The following YPEL1 variants were observed in gnomAD, a reference collection of about 807,000 sequenced individuals.
YPEL1 encodes the protein yippee like 1, also known as protein yippee-like 1.
Under a neutral mutation model 17.3 loss-of-function variants are expected in YPEL1, and 7 were observed. The ratio of observed to expected loss-of-function variants is 0.40; its 90% CI spans 0.23 to 0.76. The LOEUF (loss-of-function observed/expected upper bound fraction) is 0.76. YPEL1 is among the 30% of genes least tolerant of loss of function. The pLI, the probability that YPEL1 is intolerant of heterozygous loss-of-function variation, is 0.35. For missense variants in YPEL1, 91 were observed against 155.5 expected (o/e 0.59, Z 2.21); for synonymous variants, 59 against 59.6 (o/e 0.99, Z 0.05).
At chr22:21,733,031 G>A (rs1023130966) in intron 1 of YPEL1, among the ~76,000 whole-genome samples, 4 of 152,168 alleles carry the variant, frequency 2.6e-5, no homozygotes, top group African/African-American at 9.7e-5. Context: ...CTGTAGGATT[G>A]CTTGAGCCCA....
chr22:21,727,912 G>A (rs866015363), intron 1 of YPEL1, among the ~76,000 whole-genome samples: 1 of 152,172 alleles, frequency 6.6e-6, no homozygotes, highest in African/African-American at 2.4e-5. Flanking sequence ...AGGGTGTCCC[G>A]AGATGGAAAG....
intron 1 of YPEL1, among the ~76,000 whole-genome samples, chr22:21,711,287 T>A (rs1351137893): frequency 6.6e-6 from 1 of 152,242 alleles, no homozygotes; most frequent in Admixed American, 6.5e-5. Context: ...ATGCCACTGC[T>A]TAACCACTTT....
At chr22:21,730,610 G>A (rs1315840012) in intron 1 of YPEL1, among the ~76,000 whole-genome samples, 1 of 152,210 alleles carries the variant, frequency 6.6e-6, no homozygotes, top group Non-Finnish European at 1.5e-5. Flanking sequence ...GCAACAGCAT[G>A]GGTACAATTT....
At position 21,730,019 on chromosome 22, in the gene YPEL1, GT is replaced by G. The variant is rs998375577; in HGVS notation, c.-165+5595del. 5.7e-4 allele frequency among the ~76,000 whole-genome samples: 86 copies of G among 151,868 alleles called. 1 individual carries two copies. The highest frequency in any genetic ancestry group is 5.6e-3 in the Admixed American group (85 of 15,242). On this transcript the variant is annotated intron_variant, in intron 1 of 4. Transcript: ENST00000339468. ...ATACAAAAATTAGCTCGGTGTGGTGGTGGGCACCTTTAGTCTCAGCTACTAG... is the reference window on the plus strand; with the variant it reads ...ATACAAAAATTAGCTCGGTGTGGTGGGGGCACCTTTAGTCTCAGCTACTAG...
At chr22:21,709,580 AGCC>A (rs1295450972) in intron 2 of YPEL1, among the ~76,000 whole-genome samples, 1 of 152,226 alleles carries the variant, frequency 6.6e-6, no homozygotes, top group East Asian at 1.9e-4. Context: ...GTACAAGACC[AGCC>A]TTGGCAACAT....
intron 1 of YPEL1, among the ~76,000 whole-genome samples, chr22:21,719,369 T>C (rs1476516978): frequency 6.6e-6 from 1 of 152,246 alleles, no homozygotes; most frequent in Admixed American, 6.5e-5. Flanking sequence ...AGTTTCTTGT[T>C]ACTAAAATGA....
intron 1 of YPEL1, among the ~76,000 whole-genome samples, chr22:21,723,426 G>T (rs1357711630): frequency 6.6e-6 from 1 of 152,110 alleles, no homozygotes; most frequent in Non-Finnish European, 1.5e-5. Flanking sequence ...GGAGTGCAGT[G>T]GCGCGATCTC....
intron 2 of YPEL1, among the ~76,000 whole-genome samples, chr22:21,709,309 C>T (rs1342960889): frequency 1.3e-5 from 2 of 152,214 alleles, no homozygotes; most frequent in African/African-American, 4.8e-5. Context: ...TTCCACTTCT[C>T]ACCTCACACT....
At chr22:21,715,101 T>TAC (rs946589868) in intron 1 of YPEL1, among the ~76,000 whole-genome samples, 20 of 151,972 alleles carry the variant, frequency 1.3e-4, no homozygotes, top group East Asian at 3.9e-4. Context: ...ATATGCCATA[T>TAC]ACACACACAC....
chr22:21,704,021 C>T (rs570215301), intron 2 of YPEL1, 139 bp from the exon 3 acceptor site: 1 of 904,182 alleles, frequency 1.1e-6, no homozygotes, highest in East Asian at 2.6e-5. Context: ...CGGCGTCCCC[C>T]CTCCAGAACT....
Position 21,703,754 on chromosome 22 carries a change from G to T in YPEL1, c.161+85C>A. ...TTTCAGGACCCCTAAAGACCCAGGT[G>T]ATTCTACACAGGGCACTGTGTAGGT... On this transcript the variant is annotated intron_variant, in intron 3 of 4. Transcript: ENST00000339468. This position sits in a 1 kb window ranked among gnomAD's most constrained non-coding sequence, Gnocchi z 6.1. 3 of 1,452,596 alleles carry T rather than the reference G, an allele frequency of 2.1e-6. No homozygotes were observed. The highest frequency in any genetic ancestry group is 2.8e-6 in the Non-Finnish European group (3 of 1,065,586). 90.0% of individuals were successfully genotyped at this position (1,452,596 alleles called of 1,614,324 possible).
intron 1 of YPEL1, among the ~76,000 whole-genome samples, chr22:21,733,024 T>C (rs1356614691): frequency 6.6e-6 from 1 of 152,096 alleles, no homozygotes; most frequent in Non-Finnish European, 1.5e-5. Flanking sequence ...GCTGAGGCTG[T>C]AGGATTGCTT....
chr22:21,709,687 C>A (rs575915490), intron 2 of YPEL1, among the ~76,000 whole-genome samples: 4 of 152,306 alleles, frequency 2.6e-5, no homozygotes, highest in Admixed American at 1.3e-4. Context: ...AACTTCCTGA[C>A]AAACTTTGTT....
Position 21,710,640 on chromosome 22 carries a change from C to T in YPEL1, c.105G>A (p.Glu35=), listed in dbSNP as rs749603415. Residue 35 remains glutamate, a synonymous_variant, in exon 2 of 5, where the codon GAG becomes GAA. Transcript: ENST00000339468. ...ATAAGCCACTTGCCTTGGAGATGAGCTCGTCATGATTGGCCAGGTGTGCTC... is the reference window on the plus strand; with the variant it reads ...ATAAGCCACTTGCCTTGGAGATGAGTTCGTCATGATTGGCCAGGTGTGCTC... The part of the protein sequence containing the change: ...HCRAHLANHD[E]LISKSFQGSQ... 2 of 1,614,216 alleles carry T rather than the reference C, an allele frequency of 1.2e-6. No homozygotes were observed. Among genetic ancestry groups the T allele is most frequent in the South Asian group, 2.2e-5 (2 of 91,088 alleles).
rs111867172 is a variant in YPEL1 at position 21,709,100 on chromosome 22, C to T, written c.117+1528G>A. ...TCCGAAACAAAACCATGCATGGGGC[C>T]GGACATTGACCACCTCTCAGTGCTC... On this transcript the variant is annotated intron_variant, in intron 2 of 4. Transcript: ENST00000339468. Among the ~76,000 whole-genome samples the T allele has an allele frequency of 3.1e-3, 472 of 152,272 alleles. 2 individuals are homozygous for T. Among genetic ancestry groups the T allele is most frequent in the South Asian group, 9.5e-3 (46 of 4,824 alleles).
rs2068274370 is a variant in YPEL1, at chr22:21,720,817, T to TG, written c.-164-9910_-164-9909insC. Among the ~76,000 whole-genome samples, 4 of 148,780 alleles carry TG rather than the reference T, an allele frequency of 2.7e-5. No individual in the cohort carries two copies. In the South Asian group the frequency reaches 6.4e-4, roughly 24 times the overall value. ...CCACCATGCCTGGCCGATTTTGTTT[T>TG]TTTTTTTTTTTTTGAGAGTCTTGCT... is the stretch of plus-strand genomic sequence containing the variant. On this transcript the variant is annotated intron_variant, in intron 1 of 4. Transcript: ENST00000339468.
chr22:21,713,862 C>G (rs966131647), intron 1 of YPEL1, among the ~76,000 whole-genome samples: 1 of 152,162 alleles, frequency 6.6e-6, no homozygotes, highest in Non-Finnish European at 1.5e-5. Context: ...CCAAGTTTTC[C>G]TGGTGGCACC....
At chr22:21,724,832 G>A (rs2068318270) in intron 1 of YPEL1, among the ~76,000 whole-genome samples, 1 of 151,768 alleles carries the variant, frequency 6.6e-6, no homozygotes, top group African/African-American at 2.4e-5. Context: ...CACCCACCTT[G>A]GCCTCCCAAA....
At chr22:21,701,439 C>T (rs892275838) in intron 4 of YPEL1, among the ~76,000 whole-genome samples, 1 of 151,860 alleles carries the variant, frequency 6.6e-6, no homozygotes, top group Non-Finnish European at 1.5e-5. Flanking sequence ...TTCATGTGCT[C>T]GCTTCGGCAG....
Sources: allele counts gnomAD v4.1 joint callset (sites outside exome capture counted in the v4.1 genomes callset), GRCh38; gene constraint gnomAD v4.1.1; non-coding constraint Gnocchi (gnomAD v3.1); transcripts MANE v1.5; gene names NCBI Gene and HGNC (gene_info 2026-07-23, HGNC 2026-07-21).